Variants in C2orf68 observed in about 807,000 individuals in gnomAD.
The protein encoded by C2orf68 is chromosome 2 open reading frame 68, also known as UPF0561 protein C2orf68.
C2orf68 carries 15 observed loss-of-function variants against 19.1 expected under a neutral mutation model. The observed-to-expected ratio is 0.79, with a 90% CI of 0.53 to 1.21. C2orf68 has a LOEUF of 1.21. Ranked by LOEUF, C2orf68 falls within the 50% of genes most tolerant of loss-of-function variation. The pLI is 0.00. For missense variants in C2orf68, 242 were observed against 226.6 expected (o/e 1.07, Z -0.44); for synonymous variants, 98 against 91.0 (o/e 1.08, Z -0.44).
chr2:85,609,181 A>T, intron 3 of C2orf68, 114 bp from the exon 4 acceptor site: 1 of 1,434,990 alleles, frequency 7.0e-7, no homozygotes, highest in South Asian at 1.3e-5. Flanking sequence ...TTTTGCCAGC[A>T]CCTGTCATTT....
Position 85,611,935 on chromosome 2 carries a change from C to A in C2orf68, c.50G>T (p.Gly17Val), listed in dbSNP as rs1324936013. 4 of 1,585,762 alleles carry A rather than the reference C, an allele frequency of 2.5e-6. No individual in the cohort carries two copies. The highest frequency in any genetic ancestry group is 3.4e-6 in the Non-Finnish European group (4 of 1,173,230). ...PRPGHCCKPG[G>V]RLDMNHGFVH... is the part of the protein sequence containing the mutation. ...GAAGCCGTGGTTCATGTCCAGCCGC[C>A]CCCCAGGCTTGCAGCAGTGCCCCGG... Residue 17 changes from glycine to valine, a missense_variant, in exon 1 of 4, where the codon GGG (glycine) becomes GTG (valine). Coordinates refer to ENST00000306336, the MANE Select transcript of C2orf68 (RefSeq NM_001013649.4).
chr2:85,611,980 T>C lies in C2orf68; in HGVS notation c.5A>G (p.Glu2Gly), dbSNP rs1673578533. 2.0e-6 allele frequency: 3 copies of C among 1,537,168 alleles called. No individual in the cohort carries two copies. The highest frequency in any genetic ancestry group is 2.6e-6 in the Non-Finnish European group (3 of 1,153,872). Residue 2 changes from glutamate to glycine, a missense_variant, in exon 1 of 4, where the codon GAG (glutamate) becomes GGG (glycine). Glu to Gly is a moderately conservative substitution (Grantham distance 98). Coordinates refer to ENST00000306336, the MANE Select transcript of C2orf68 (RefSeq NM_001013649.4). M[E>G]AGPHPRPGHC... ...CCCCGGCCGGGGATGCGGCCCCGCCTCCATCAGGAGCCGGGGACGCAGAGT... is the reference window on the plus strand; with the variant it reads ...CCCCGGCCGGGGATGCGGCCCCGCCCCCATCAGGAGCCGGGGACGCAGAGT...
At chr2:85,609,254 C>G (rs553188002) in intron 3 of C2orf68, among the ~76,000 whole-genome samples, 181 bp downstream of exon 3, 1 of 152,362 alleles carries the variant, frequency 6.6e-6, no homozygotes, top group South Asian at 2.1e-4. Context: ...TGTTCCCCTA[C>G]TGAGAATCAC....
rs1448478081 is a variant in C2orf68 at position 85,607,747 on chromosome 2, A to G, written c.*1198T>C. The stretch of plus-strand genomic sequence containing the variant: ...TCTCAGTTCTCAAAGGCTTAAAGCC[A>G]TATTTCAAGGCACTGAGGTTAGGCT... On this transcript the variant is annotated 3_prime_UTR_variant, in exon 4 of 4. Transcript: ENST00000306336. The G allele has an allele frequency of 6.6e-6, 1 of 152,238 alleles. No individual in the cohort carries two copies. The highest frequency in any genetic ancestry group is 1.5e-5 in the Non-Finnish European group (1 of 68,042). 9.4% of individuals were successfully genotyped at this position (152,238 alleles called of 1,614,324 possible).
At chr2:85,609,112 A>G (rs986285621) in intron 3 of C2orf68, 45 bp from the exon 4 acceptor site, 7 of 1,606,218 alleles carry the variant, frequency 4.4e-6, no homozygotes, top group Non-Finnish European at 5.1e-6. Flanking sequence ...GGCCTCTTCC[A>G]GAAAGGTGAC....
rs1673507686 is a variant in C2orf68 at position 85,611,312 on chromosome 2, AT to A, written c.226+355del. 3.5e-6 allele frequency: 5 copies of A among 1,423,490 alleles called. No homozygotes were observed. The South Asian group carries it at 7.6e-5, about 22-fold the overall frequency. The allele number at this position is 1,423,490 out of a possible 1,614,324, so 88.2% of individuals were successfully genotyped here. A position where few individuals can be genotyped will look rare whatever the true frequency, so the allele number is the denominator to read the frequency against. On this transcript the variant is annotated intron_variant, in intron 2 of 3. Transcript: ENST00000306336. ...GTAGCAGAGAAGCTGGGGAAAGGCC[AT>A]TTACTGGGTTCATTCCGCAATTATG...
At chr2:85,609,617 AG>A (rs762843845) in intron 2 of C2orf68, 31 bp from the exon 3 acceptor site, 63 of 1,612,536 alleles carry the variant, frequency 3.9e-5, no homozygotes, top group Non-Finnish European at 4.7e-5. Context: ...AAGAAAGAAG[AG>A]GGGGGGTGCT....
At position 85,611,932 on chromosome 2, in the gene C2orf68, C is replaced by T. The variant is rs1217859956; in HGVS notation, c.53G>A (p.Arg18Gln). The T allele has an allele frequency of 6.3e-7, 1 of 1,587,180 alleles. No individual in the cohort carries two copies. Among genetic ancestry groups the T allele is most frequent in the Non-Finnish European group, 8.5e-7 (1 of 1,173,514 alleles). Residue 18 changes from arginine to glutamine, a missense_variant, in exon 1 of 4, where the codon CGG (arginine) becomes CAG (glutamine). Arg to Gln is a conservative substitution (Grantham distance 43). Coordinates refer to ENST00000306336, the MANE Select transcript of C2orf68 (RefSeq NM_001013649.4). ...RPGHCCKPGG[R>Q]LDMNHGFVHH... ...CACGAAGCCGTGGTTCATGTCCAGC[C>T]GCCCCCCAGGCTTGCAGCAGTGCCC... is the stretch of plus-strand genomic sequence containing the variant.
chr2:85,611,807 G>A lies in C2orf68; in HGVS notation c.108-21C>T, dbSNP rs376357460. 1.2e-3 allele frequency: 1,996 copies of A among 1,609,568 alleles called. 40 individuals carry two copies. The South Asian group carries it at 0.02, about 16-fold the overall frequency. On this transcript the variant is annotated intron_variant, in intron 1 of 3. Transcript: ENST00000306336. ...CGTCCCTGCGGGGAGCCGAGCGGGA[G>A]TCAGGGACTGTCGGGCCGGGCCAGG...
chr2:85,605,513 G>A lies in C2orf68; in HGVS notation c.*3432C>T, dbSNP rs995804110. The stretch of plus-strand genomic sequence containing the variant: ...CCAACTCCTAGGGAAATTTCGGGTG[G>A]GTGCCTATGGCTGTATGACCATCTG... On this transcript the variant is annotated 3_prime_UTR_variant, in exon 4 of 4. Coordinates refer to ENST00000306336, the MANE Select transcript of C2orf68 (RefSeq NM_001013649.4). Among the ~76,000 whole-genome samples, 2 of 152,140 alleles carry A rather than the reference G, an allele frequency of 1.3e-5. No homozygotes were observed. The highest frequency in any genetic ancestry group is 2.9e-5 in the Non-Finnish European group (2 of 68,036).
rs1673574669 is a variant in C2orf68 at position 85,611,950 on chromosome 2, C to G, written c.35G>C (p.Cys12Ser). 6.4e-7 allele frequency: 1 copy of G among 1,570,448 alleles called. No individual in the cohort carries two copies. The highest frequency in any genetic ancestry group is 1.8e-5 in the Admixed American group (1 of 54,308). ...GTCCAGCCGCCCCCCAGGCTTGCAG[C>G]AGTGCCCCGGCCGGGGATGCGGCCC... ...EAGPHPRPGH[C>S]CKPGGRLDMN... The change falls in exon 1 of 4, where the codon TGC becomes TCC. Residue 12 changes from cysteine (C) to serine (S), a missense_variant. By Grantham distance (112) the Cys-to-Ser change is moderately radical. Coordinates refer to ENST00000306336, the MANE Select transcript of C2orf68 (RefSeq NM_001013649.4).
intron 2 of C2orf68, chr2:85,611,150 G>T: frequency 3.0e-6 from 2 of 664,480 alleles, no homozygotes; most frequent in South Asian, 3.3e-5. Context: ...TAAGGCTGCA[G>T]TAAGCCCAGA....
chr2:85,606,272 C>T lies in C2orf68; in HGVS notation c.*2673G>A, dbSNP rs908980322. On this transcript the variant is annotated 3_prime_UTR_variant, in exon 4 of 4. Coordinates refer to ENST00000306336, the MANE Select transcript of C2orf68 (RefSeq NM_001013649.4). Reference sequence around the variant, plus strand: ...GTTCCACTTAGTCTAATGCTGTTGCCACTGTACGCCACAGCACCGGACAGT... The same window carrying T: ...GTTCCACTTAGTCTAATGCTGTTGCTACTGTACGCCACAGCACCGGACAGT... Among the ~76,000 whole-genome samples the T allele has an allele frequency of 2.0e-5, 3 of 152,204 alleles. No homozygotes were observed. Among genetic ancestry groups the T allele is most frequent in the Non-Finnish European group, 2.9e-5 (2 of 68,038 alleles).
At position 85,608,839 on chromosome 2, in the gene C2orf68, G is replaced by A; in HGVS notation, c.*106C>T. 2.7e-6 allele frequency: 4 copies of A among 1,490,492 alleles called. No homozygotes were observed. Among genetic ancestry groups the A allele is most frequent in the Non-Finnish European group, 3.7e-6 (4 of 1,092,304 alleles). The allele number at this position is 1,490,492 out of a possible 1,614,324, so 92.3% of individuals were successfully genotyped here. A position where few individuals can be genotyped will look rare whatever the true frequency, so the allele number is the denominator to read the frequency against. Reference sequence around the variant, plus strand: ...CCCTATGGATGCAGCAGCTCTGGGGGTCTCAAGATCAGACAAACTGGTCCT... The same window carrying A: ...CCCTATGGATGCAGCAGCTCTGGGGATCTCAAGATCAGACAAACTGGTCCT... On this transcript the variant is annotated 3_prime_UTR_variant, in exon 4 of 4. Coordinates refer to ENST00000306336, the MANE Select transcript of C2orf68 (RefSeq NM_001013649.4).
Position 85,611,758 on chromosome 2 carries a change from C to T in C2orf68, c.136G>A (p.Ala46Thr). The T allele has an allele frequency of 1.2e-6, 2 of 1,612,210 alleles. No homozygotes were observed. The highest frequency in any genetic ancestry group is 2.2e-5 in the East Asian group (1 of 44,830). Residue 46 changes from alanine (A) to threonine (T), a missense_variant, in exon 2 of 4, where the codon GCG (alanine) becomes ACG (threonine). Physicochemically the swap from Ala to Thr is moderately conservative, Grantham distance 58 (BLOSUM62 0). Transcript: ENST00000306336. ...CGCCTCCTCACCTTCTCCTTGGCCG[C>T]CTGCTTCACCTTCTTGTCATAGTCG... ...RDDYDKKVKQ[A>T]AKEKVRRRHT...
At position 85,608,069 on chromosome 2, in the gene C2orf68, T is replaced by G. The variant is rs192924318; in HGVS notation, c.*876A>C. 1.3e-4 allele frequency: 20 copies of G among 152,344 alleles called. 1 individual carries two copies. The highest frequency in any genetic ancestry group is 2.6e-4 in the Admixed American group (4 of 15,294). The allele number at this position is 152,344 out of a possible 1,614,324, so 9.4% of individuals were successfully genotyped here. A position where few individuals can be genotyped will look rare whatever the true frequency, so the allele number is the denominator to read the frequency against. The stretch of plus-strand genomic sequence containing the variant: ...TCACAACTGGAGAGTAAGTTCCCAC[T>G]TGTTTATAATTCCCTTTTAGTCTGA... On this transcript the variant is annotated 3_prime_UTR_variant, in exon 4 of 4. Coordinates refer to ENST00000306336, the MANE Select transcript of C2orf68 (RefSeq NM_001013649.4).
rs1292036629 is a variant in C2orf68, at chr2:85,609,012, G to A, written c.434C>T (p.Pro145Leu). ...CAACTTGAGGGCTTCTCGCATGGGT[G>A]GATCCAGAGGCGTGTGTGCCGACAC... ...EKVSAHTPLD[P>L]PMREALKLRI... The change falls in exon 4 of 4, where the codon CCA becomes CTA. Residue 145 changes from proline (P) to leucine (L), a missense_variant. Pro to Leu is a moderately conservative substitution (Grantham distance 98, BLOSUM62 -3). Transcript: ENST00000306336. The A allele has an allele frequency of 6.2e-7, 1 of 1,614,126 alleles. No homozygotes were observed. The highest frequency in any genetic ancestry group is 8.5e-7 in the Non-Finnish European group (1 of 1,180,058).
At chr2:85,609,296 AC>A in intron 3 of C2orf68, 138 bp downstream of exon 3, 1 of 1,331,182 alleles carries the variant, frequency 7.5e-7, no homozygotes, top group Non-Finnish European at 1.0e-6. Flanking sequence ...GCTCAAAAGC[AC>A]TGCCCGGCAG....
intron 2 of C2orf68, among the ~76,000 whole-genome samples, 170 bp from the exon 3 acceptor site, chr2:85,609,756 A>C (rs1228774234): frequency 6.6e-6 from 1 of 152,182 alleles, no homozygotes; most frequent in Admixed American, 6.5e-5. Context: ...ATCTCGGCTC[A>C]CTGCAACTTC....
Sources: gnomAD v4.1 joint callset for allele counts (sites outside exome capture counted in the v4.1 genomes callset) on GRCh38, gnomAD v4.1.1 for gene constraint, MANE v1.5 for transcripts, NCBI Gene and HGNC (gene_info 2026-07-23, HGNC 2026-07-21) for gene names.